The following NAV3 variants were observed in gnomAD, a reference collection of about 807,000 sequenced individuals.
NAV3 encodes neuron navigator 3.
A neutral mutation model predicts 244.7 loss-of-function variants in NAV3; 87 were observed. The observed-to-expected ratio is 0.36, with a 90% CI of 0.30 to 0.42. NAV3 has a LOEUF of 0.42. NAV3 is among the 20% of genes least tolerant of loss of function. The pLI, the probability that NAV3 is intolerant of heterozygous loss-of-function variation, is 1.00. For missense variants in NAV3, 2,663 were observed against 2,893.3 expected (o/e 0.92, Z 1.83); for synonymous variants, 1,126 against 1,042.2 (o/e 1.08, Z -1.55).
intron 26 of NAV3, 58 bp from the exon 27 acceptor site, chr12:78,177,083 A>G: frequency 6.2e-7 from 1 of 1,602,804 alleles, no homozygotes; most frequent in South Asian, 1.1e-5. Flanking sequence ...TAACGCCCCA[A>G]AGCAAAAGCT....
rs567551002 is a variant in NAV3 at position 77,713,677 on chromosome 12, C to T, written c.72+141411C>T. 2.6e-5 allele frequency among the ~76,000 whole-genome samples: 4 copies of T among 152,140 alleles called. No homozygotes were observed. In the East Asian group the frequency reaches 7.7e-4, roughly 29 times the overall value. ...TGTATGACCTTTGATGTCTTTGTTT[C>T]CCCTATTGCACCCTTGCATTTTATC... is the stretch of plus-strand genomic sequence containing the variant. On this transcript the variant is annotated intron_variant, in intron 2 of 8. Coordinates refer to the NAV3 transcript ENST00000550042.
chr12:77,810,439 G>T (rs1872231032), intron 2 of NAV3, among the ~76,000 whole-genome samples: 1 of 152,146 alleles, frequency 6.6e-6, no homozygotes, highest in Admixed American at 6.5e-5. Context: ...CCAAAGTGCT[G>T]GGATTACAGT....
intron 22 of NAV3, among the ~76,000 whole-genome samples, chr12:78,156,560 G>A (rs1287212404): frequency 2.0e-5 from 3 of 152,008 alleles, no homozygotes; most frequent in African/African-American, 4.8e-5. Context: ...AAGGGTAAAG[G>A]AGAGTAATTT....
chr12:78,037,197 G>A lies in NAV3; in HGVS notation c.2024-12796G>A, dbSNP rs1374917545. On this transcript the variant is annotated intron_variant, in intron 9 of 39. Coordinates refer to ENST00000397909, the MANE Select transcript of NAV3 (RefSeq NM_001024383.2). ...GGAATTGTCTGCAAGAAGAGGCTTG[G>A]AAGGTGAGAGTGATGAAGATAGTAG... 4.3e-6 allele frequency: 3 copies of A among 703,026 alleles called. No individual in the cohort carries two copies. The Admixed American group carries it at 6.0e-5, about 14-fold the overall frequency. The allele number at this position is 703,026 out of a possible 1,614,324, so 43.5% of individuals were successfully genotyped here. A position where few individuals can be genotyped will look rare whatever the true frequency, so the allele number is the denominator to read the frequency against.
At chr12:77,883,086 T>TTA (rs2136637998) in intron 1 of NAV3, among the ~76,000 whole-genome samples, 1 of 152,192 alleles carries the variant, frequency 6.6e-6, no homozygotes, top group African/African-American at 2.4e-5. Context: ...CTATTGCTGG[T>TTA]TATACACTCA....
chr12:77,574,466 T>A (rs1487246226), intron 2 of NAV3, among the ~76,000 whole-genome samples: 1 of 152,152 alleles, frequency 6.6e-6, no homozygotes, highest in Non-Finnish European at 1.5e-5. Flanking sequence ...CACCAAGTAA[T>A]CGCTAATAGA....
At chr12:78,127,236 A>G (rs1181958499) in intron 17 of NAV3, 28 bp downstream of exon 17, 1 of 1,605,246 alleles carries the variant, frequency 6.2e-7, no homozygotes, top group Admixed American at 1.7e-5. Flanking sequence ...CACAATTGCT[A>G]CCTCTCTGTT....
At chr12:77,788,608 CTT>C (rs78745838) in intron 2 of NAV3, among the ~76,000 whole-genome samples, 2,876 of 139,476 alleles carry the variant, frequency 0.021, 96 homozygotes, top group African/African-American at 0.071. Flanking sequence ...GCATTTGGTG[CTT>C]TTTTTTTTTT....
chr12:77,648,199 C>T (rs929816763), intron 2 of NAV3, among the ~76,000 whole-genome samples: 1 of 151,972 alleles, frequency 6.6e-6, no homozygotes, highest in African/African-American at 2.4e-5. Context: ...AGTATAAGAG[C>T]CAAGAACCTG....
intron 28 of NAV3, among the ~76,000 whole-genome samples, chr12:78,178,789 A>G (rs1958368990): frequency 6.6e-6 from 1 of 152,162 alleles, no homozygotes; most frequent in Non-Finnish European, 1.5e-5. Flanking sequence ...TTTTAAATGG[A>G]AAATATGTTA....
intron 1 of NAV3, among the ~76,000 whole-genome samples, chr12:77,833,236 C>T (rs1383784842): frequency 6.6e-6 from 1 of 152,180 alleles, no homozygotes; most frequent in Non-Finnish European, 1.5e-5. Flanking sequence ...AGGCAGGTCT[C>T]GTATCTTATC....
chr12:77,973,059 A>C (rs541001789), intron 5 of NAV3, among the ~76,000 whole-genome samples: 1 of 152,272 alleles, frequency 6.6e-6, no homozygotes, highest in South Asian at 2.1e-4. Context: ...TGTTAGGATG[A>C]TAGTACATGT....
Position 78,001,911 on chromosome 12 carries a change from A to G in NAV3, c.880+3435A>G, listed in dbSNP as rs537150648. Reference sequence around the variant, plus strand: ...CTTCTCCTGATGACCTGCCATTCAGAAACTGACAATGAATAATACACTCTG... The same window carrying G: ...CTTCTCCTGATGACCTGCCATTCAGGAACTGACAATGAATAATACACTCTG... On this transcript the variant is annotated intron_variant, in intron 7 of 39. Coordinates refer to ENST00000397909, the MANE Select transcript of NAV3 (RefSeq NM_001024383.2). Among the ~76,000 whole-genome samples the G allele has an allele frequency of 2.0e-5, 3 of 152,354 alleles. No homozygotes were observed. In the South Asian group the frequency reaches 6.2e-4, roughly 32 times the overall value.
upstream of NAV3, among the ~76,000 whole-genome samples, chr12:77,827,998 ACT>A (rs1873193069): frequency 6.6e-6 from 1 of 152,112 alleles, no homozygotes. Flanking sequence ...CTTAAATATG[ACT>A]CTCAGACCTT....
chr12:77,621,229 G>A (rs928098816), intron 2 of NAV3, among the ~76,000 whole-genome samples: 1 of 152,036 alleles, frequency 6.6e-6, no homozygotes, highest in Non-Finnish European at 1.5e-5. Context: ...AAATCCCATG[G>A]GATAGTTAAC....
chr12:77,654,618 G>A (rs914233133), intron 2 of NAV3, among the ~76,000 whole-genome samples: 90 of 152,244 alleles, frequency 5.9e-4, no homozygotes, highest in Admixed American at 8.5e-4. Flanking sequence ...CTCCCAGCAC[G>A]CAGCTGGAGA....
chr12:77,721,636 GATTTTC>G (rs1876637183), intron 2 of NAV3, among the ~76,000 whole-genome samples: 1 of 152,058 alleles, frequency 6.6e-6, no homozygotes, highest in African/African-American at 2.4e-5. Context: ...ATAAACTAGT[GATTTTC>G]ATAATTTATT....
intron 22 of NAV3, among the ~76,000 whole-genome samples, chr12:78,149,851 AT>A (rs527311149): frequency 1.0e-3 from 152 of 151,976 alleles, no homozygotes; most frequent in African/African-American, 2.5e-3. Flanking sequence ...CCATTTTTAA[AT>A]TTTTTTTAAG....
chr12:78,098,576 T>G (rs1349808177), intron 12 of NAV3, among the ~76,000 whole-genome samples: 1 of 151,824 alleles, frequency 6.6e-6, no homozygotes, highest in Non-Finnish European at 1.5e-5. Flanking sequence ...AATTATATCA[T>G]AAAATTTTCT....
Sources: allele counts gnomAD v4.1 joint callset (sites outside exome capture counted in the v4.1 genomes callset), GRCh38; gene constraint gnomAD v4.1.1; transcripts MANE v1.5; gene names NCBI Gene and HGNC (gene_info 2026-07-23, HGNC 2026-07-21).